DSE: variants seen among roughly 807,000 people sequenced by gnomAD.
DSE encodes the protein dermatan sulfate epimerase, also known as dermatan-sulfate epimerase.
A neutral mutation model predicts 84.4 loss-of-function variants in DSE; 36 were observed. The ratio of observed to expected loss-of-function variants is 0.43; its 90% CI spans 0.33 to 0.56. The LOEUF (loss-of-function observed/expected upper bound fraction) is 0.56. Among genes scored for constraint, DSE ranks in the 20% least tolerant of loss-of-function variants. The pLI, the probability that DSE is intolerant of heterozygous loss-of-function variation, is 0.06. For synonymous variants in DSE, 410 were observed against 430.1 expected (o/e 0.95, Z 0.58); for missense variants, 862 against 1,169.6 (o/e 0.74, Z 3.84).
At chr6:116,429,065 G>C (rs1469031041) in intron 3 of DSE, among the ~76,000 whole-genome samples, 1 of 152,210 alleles carries the variant, frequency 6.6e-6, no homozygotes, top group Non-Finnish European at 1.5e-5. Context: ...CTGATTTTAG[G>C]CATCAGTCAC....
At chr6:116,406,584 G>A (rs958622031) in intron 2 of DSE, among the ~76,000 whole-genome samples, 4 of 152,224 alleles carry the variant, frequency 2.6e-5, no homozygotes, top group Admixed American at 1.3e-4. Context: ...GGGTCTTGCT[G>A]ACATTAAGTT....
intron 2 of DSE, among the ~76,000 whole-genome samples, chr6:116,359,569 C>A (rs1778771177): frequency 6.6e-6 from 1 of 152,064 alleles, no homozygotes; most frequent in South Asian, 2.1e-4. Flanking sequence ...AATTCAGAAG[C>A]TTCTTGTCTA....
At chr6:116,428,599 A>G (rs1392125916) in intron 3 of DSE, among the ~76,000 whole-genome samples, 2 of 152,218 alleles carry the variant, frequency 1.3e-5, no homozygotes, top group South Asian at 2.1e-4. Context: ...GAGCCCCCAC[A>G]TAAGTACACA....
intron 3 of DSE, among the ~76,000 whole-genome samples, chr6:116,429,265 C>T (rs1252638996): frequency 5.3e-5 from 8 of 152,210 alleles, no homozygotes; most frequent in Admixed American, 2.6e-4. Flanking sequence ...CTGACAGCTG[C>T]ATTGCCCCCA....
chr6:116,367,889 G>A (rs1277189568), upstream of DSE, among the ~76,000 whole-genome samples: 1 of 152,202 alleles, frequency 6.6e-6, no homozygotes, highest in African/African-American at 2.4e-5. Context: ...GAGGTGGACA[G>A]ATGGAGTTCC....
In DSE at chr6:116,438,214, C is replaced by T. The variant is rs556044136; in HGVS notation, c.*869C>T. The T allele has an allele frequency of 1.2e-4, 18 of 152,484 alleles. No homozygotes were observed. In the South Asian group the frequency reaches 3.5e-3, roughly 30 times the overall value. 9.4% of individuals were successfully genotyped at this position (152,484 alleles called of 1,614,324 possible). ...GAGAGTCTAAAATTTGGATATGATT[C>T]TTATGTTTTTTTAATAGAAAACCTT... On this transcript the variant is annotated 3_prime_UTR_variant, in exon 6 of 6. Coordinates refer to ENST00000644252, the MANE Select transcript of DSE (RefSeq NM_013352.4).
At chr6:116,381,811 A>C (rs1046625506) in intron 1 of DSE, among the ~76,000 whole-genome samples, 13 of 152,210 alleles carry the variant, frequency 8.5e-5, no homozygotes, top group South Asian at 8.3e-4. Flanking sequence ...TGCTGTAACA[A>C]AGTACTGCAG....
intron 2 of DSE, among the ~76,000 whole-genome samples, chr6:116,263,795 C>G (rs2114602157): frequency 6.6e-6 from 1 of 152,284 alleles, no homozygotes; most frequent in Non-Finnish European, 1.5e-5. Context: ...TAAAGCAGAT[C>G]AGGTGGTAAC....
intron 2 of DSE, among the ~76,000 whole-genome samples, chr6:116,284,524 ATTATAC>A (rs1773747920): frequency 6.6e-6 from 1 of 151,896 alleles, no homozygotes; most frequent in African/African-American, 2.4e-5. Context: ...TATTATTATT[ATTATAC>A]TTTAAGTTCT....
At chr6:116,308,245 G>A (rs1429686738) in intron 2 of DSE, among the ~76,000 whole-genome samples, 1 of 152,164 alleles carries the variant, frequency 6.6e-6, no homozygotes, top group Non-Finnish European at 1.5e-5. Flanking sequence ...TGTAAGAGTT[G>A]GAGGCAAGTT....
At chr6:116,405,539 TTC>T (rs1342743394) in intron 2 of DSE, among the ~76,000 whole-genome samples, 1 of 152,210 alleles carries the variant, frequency 6.6e-6, no homozygotes, top group Non-Finnish European at 1.5e-5. Flanking sequence ...GCCTCTCTTT[TTC>T]TCTGTTCTTT....
At chr6:116,255,815 G>A (rs1582897411) in intron 1 of DSE, 2 of 152,114 alleles carry the variant, frequency 1.3e-5, no homozygotes, top group African/African-American at 4.8e-5. Flanking sequence ...CCATGCAGCA[G>A]GAAAAAACAA....
chr6:116,436,774 GCTTT>G lies in DSE; in HGVS notation c.2307_2310del (p.Ser769ArgfsTer9). Reference sequence around the variant, plus strand: ...CTGTCCCGAGTCCGGAACACAGCTAGCTTTAGGAAGACTGCTGAACGCCTGCTGA... The same window carrying G: ...CTGTCCCGAGTCCGGAACACAGCTAGAGGAAGACTGCTGAACGCCTGCTGA... On this transcript the variant is annotated frameshift_variant, in exon 6 of 6. Coordinates refer to ENST00000644252, the MANE Select transcript of DSE (RefSeq NM_013352.4). LOFTEE classifies it high-confidence loss of function. 1 of 1,614,164 alleles carries G rather than the reference GCTTT, an allele frequency of 6.2e-7. No homozygotes were observed. The highest frequency in any genetic ancestry group is 8.5e-7 in the Non-Finnish European group (1 of 1,180,028).
At chr6:116,369,545 C>G (rs887386927), upstream of DSE, among the ~76,000 whole-genome samples, 11 of 152,156 alleles carry the variant, frequency 7.2e-5, no homozygotes, top group Non-Finnish European at 1.6e-4. Flanking sequence ...AACTGAGGTT[C>G]TGATGTTAGT....
upstream of DSE, chr6:116,369,819 A>G: frequency 9.7e-7 from 1 of 1,034,078 alleles, no homozygotes; most frequent in Non-Finnish European, 1.3e-6. Flanking sequence ...TTATTTGGCC[A>G]AATAGAAGTG....
At chr6:116,411,895 A>C (rs564247240) in intron 2 of DSE, among the ~76,000 whole-genome samples, 1 of 152,362 alleles carries the variant, frequency 6.6e-6, no homozygotes, top group African/African-American at 2.4e-5. Context: ...TTTTATTTTC[A>C]GTATAGCAGT....
At chr6:116,261,976 G>T (rs1283185508) in intron 2 of DSE, among the ~76,000 whole-genome samples, 1 of 152,160 alleles carries the variant, frequency 6.6e-6, no homozygotes, top group African/African-American at 2.4e-5. Context: ...GCTTTTTGAT[G>T]TGCGGCTGGA....
chr6:116,412,075 C>T (rs1202249629), intron 2 of DSE, among the ~76,000 whole-genome samples: 1 of 152,154 alleles, frequency 6.6e-6, no homozygotes, highest in African/African-American at 2.4e-5. Flanking sequence ...TCTAAATTAA[C>T]TTTTATCCAC....
At chr6:116,350,437 A>G (rs1041535726) in intron 2 of DSE, among the ~76,000 whole-genome samples, 1 of 152,180 alleles carries the variant, frequency 6.6e-6, no homozygotes, top group Non-Finnish European at 1.5e-5. Flanking sequence ...TTCGTATCAC[A>G]AAAGCTTACT....
Sources: gnomAD v4.1 joint callset for allele counts (sites outside exome capture counted in the v4.1 genomes callset) on GRCh38, gnomAD v4.1.1 for gene constraint, MANE v1.5 for transcripts, NCBI Gene and HGNC (gene_info 2026-07-23, HGNC 2026-07-21) for gene names.